The following GMFB variants were observed in gnomAD, a reference collection of about 807,000 sequenced individuals.
The protein encoded by GMFB is GMF-beta.
In GMFB, 13 loss-of-function variants were observed where a neutral mutation model predicts 25.6. The observed-to-expected ratio is 0.51, with a 90% CI of 0.33 to 0.81. The LOEUF (loss-of-function observed/expected upper bound fraction) is 0.81, where lower values mean the gene tolerates loss of function less well. Ranked by LOEUF, GMFB falls within the 30% of genes least tolerant of loss-of-function variation. The probability of loss-of-function intolerance (pLI) is 0.02; values close to 1 mark genes in which losing one functional copy is unlikely to be tolerated. For synonymous variants in GMFB, 57 were observed against 56.9 expected (o/e 1.00, Z 0.00); for missense variants, 146 against 175.4 (o/e 0.83, Z 0.95).
intron 1 of GMFB, among the ~76,000 whole-genome samples, chr14:54,485,749 ATAC>A (rs1299349942): frequency 1.3e-5 from 2 of 152,208 alleles, no homozygotes; most frequent in Non-Finnish European, 2.9e-5. Context: ...ACTTCAAAAT[ATAC>A]TACAAAACAA....
intron 1 of GMFB, among the ~76,000 whole-genome samples, chr14:54,487,608 G>A (rs1167730461): frequency 6.6e-6 from 1 of 152,216 alleles, no homozygotes; most frequent in Non-Finnish European, 1.5e-5. Flanking sequence ...AGCTACTTGG[G>A]AGGCTGAGGC....
intron 2 of GMFB, 191 bp downstream of exon 2, chr14:54,483,480 G>A: frequency 1.8e-6 from 1 of 562,456 alleles, no homozygotes; most frequent in Non-Finnish European, 3.2e-6. Context: ...GGGGAGGTGG[G>A]ACAATCCACC....
intron 1 of GMFB, among the ~76,000 whole-genome samples, chr14:54,486,290 C>G (rs1464263046): frequency 6.6e-6 from 1 of 151,968 alleles, no homozygotes; most frequent in East Asian, 1.9e-4. Flanking sequence ...GACCCCAACT[C>G]TCAGCATATA....
At chr14:54,488,038 G>A (rs528762421) in intron 1 of GMFB, among the ~76,000 whole-genome samples, 2 of 152,272 alleles carry the variant, frequency 1.3e-5, no homozygotes, top group South Asian at 2.1e-4. Flanking sequence ...CAGCTAAAAG[G>A]TCAGAGAAGA....
rs1251672970 is a variant in GMFB, at chr14:54,477,926, G to A, written c.*162C>T. On this transcript the variant is annotated 3_prime_UTR_variant, in exon 7 of 7. Coordinates refer to ENST00000358056, the MANE Select transcript of GMFB (RefSeq NM_004124.3). ...TACAAAGTTTCATTACTATGAAGAT[G>A]ATTTCCTCTTTGTTCAAATTTTGCA... 3.8e-5 allele frequency: 18 copies of A among 471,590 alleles called. No individual in the cohort carries two copies. The South Asian group carries it at 6.9e-4, about 18-fold the overall frequency. 29.2% of individuals were successfully genotyped at this position (471,590 alleles called of 1,614,324 possible). A position where few individuals can be genotyped will look rare whatever the true frequency, so the allele number is the denominator to read the frequency against.
Position 54,478,030 on chromosome 14 carries a change from T to A in GMFB, c.*58A>T. 1 of 721,362 alleles carries A rather than the reference T, an allele frequency of 1.4e-6. No homozygotes were observed. Among genetic ancestry groups the A allele is most frequent in the Non-Finnish European group, 2.3e-6 (1 of 438,828 alleles). 44.7% of individuals were successfully genotyped at this position (721,362 alleles called of 1,614,324 possible). On this transcript the variant is annotated 3_prime_UTR_variant, in exon 7 of 7. Coordinates refer to ENST00000358056, the MANE Select transcript of GMFB (RefSeq NM_004124.3). ...TTTTAGGCATAAATAAGTATTTATG[T>A]CTGATTCCAGTATGGTCAGGTTAAT...
chr14:54,485,274 G>C (rs2031766482), intron 1 of GMFB, among the ~76,000 whole-genome samples: 1 of 151,238 alleles, frequency 6.6e-6, no homozygotes. Flanking sequence ...TTTAGAAAAA[G>C]CTAAAGACTC....
rs774725374 is a variant in GMFB at position 54,483,731 on chromosome 14, A to G, written c.40T>C (p.Leu14=). ...CGAAACTTTCTCAGCTTTTCCACTA[A>G]ATCTTCGGCAACATCACAAACAACC... The part of the protein sequence containing the change: ...SLVVCDVAED[L]VEKLRKFRFR... Residue 14 remains leucine, a synonymous_variant, in exon 2 of 7, where the codon TTA becomes CTA. Coordinates refer to ENST00000358056, the MANE Select transcript of GMFB (RefSeq NM_004124.3). The G allele has an allele frequency of 6.2e-7, 1 of 1,610,514 alleles. No individual in the cohort carries two copies. Among genetic ancestry groups the G allele is most frequent in the East Asian group, 2.2e-5 (1 of 44,838 alleles).
intron 1 of GMFB, among the ~76,000 whole-genome samples, chr14:54,484,738 A>C (rs578104692): frequency 6.6e-6 from 1 of 152,312 alleles, no homozygotes; most frequent in South Asian, 2.1e-4. Flanking sequence ...ACAAAAAAAA[A>C]CTATAGGTCA....
intron 1 of GMFB, among the ~76,000 whole-genome samples, chr14:54,488,434 A>C (rs2031818898): frequency 6.6e-6 from 1 of 152,246 alleles, no homozygotes; most frequent in Non-Finnish European, 1.5e-5. Context: ...GAGAGAAAGA[A>C]GCTAAGGTGA....
rs1429420925 is a variant in GMFB, at chr14:54,479,795, T to C, written c.348A>G (p.Glu116=). The change falls in exon 6 of 7, where the codon GAA becomes GAG. Residue 116 remains glutamate, a synonymous_variant. Coordinates refer to ENST00000358056, the MANE Select transcript of GMFB (RefSeq NM_004124.3). ...CAAATATAAATACCACCTTGGTTAGTTCAGCTGTCTGGACTAGCTTATTCT... is the reference window on the plus strand; with the variant it reads ...CAAATATAAATACCACCTTGGTTAGCTCAGCTGTCTGGACTAGCTTATTCT... The part of the protein sequence containing the change: ...GSKNKLVQTA[E]LTKVFEIRNT... 1.3e-6 allele frequency: 2 copies of C among 1,587,438 alleles called. No homozygotes were observed. Among genetic ancestry groups the C allele is most frequent in the Non-Finnish European group, 1.7e-6 (2 of 1,156,008 alleles).
chr14:54,487,348 G>T (rs2031800460), intron 1 of GMFB, among the ~76,000 whole-genome samples: 1 of 152,102 alleles, frequency 6.6e-6, no homozygotes, highest in African/African-American at 2.4e-5. Context: ...TGGCTAACAC[G>T]GTGAAACCCC....
At chr14:54,487,880 A>C (rs781598589) in intron 1 of GMFB, among the ~76,000 whole-genome samples, 2 of 152,214 alleles carry the variant, frequency 1.3e-5, no homozygotes, top group Non-Finnish European at 2.9e-5. Context: ...GACTCCTTCG[A>C]GCATTGTCCA....
In GMFB at chr14:54,477,965, T is replaced by G; in HGVS notation, c.*123A>C. The G allele has an allele frequency of 2.0e-6, 1 of 504,454 alleles. No individual in the cohort carries two copies. Among genetic ancestry groups the G allele is most frequent in the Non-Finnish European group, 3.6e-6 (1 of 278,476 alleles). 31.2% of individuals were successfully genotyped at this position (504,454 alleles called of 1,614,324 possible). A position where few individuals can be genotyped will look rare whatever the true frequency, so the allele number is the denominator to read the frequency against. On this transcript the variant is annotated 3_prime_UTR_variant, in exon 7 of 7. Coordinates refer to ENST00000358056, the MANE Select transcript of GMFB (RefSeq NM_004124.3). ...TCAAATTTTGCACAAATGAAGAATT[T>G]TTCTTTACTGCAGGAAACAAACTGT... is the stretch of plus-strand genomic sequence containing the variant.
chr14:54,480,025 G>A, intron 5 of GMFB, 166 bp from the exon 6 acceptor site: 1 of 518,212 alleles, frequency 1.9e-6, no homozygotes, highest in South Asian at 2.7e-5. Context: ...ACTGCCTACA[G>A]AAAGAGACAG....
At chr14:54,482,405 A>G (rs1273515777) in intron 2 of GMFB, among the ~76,000 whole-genome samples, 1 of 152,198 alleles carries the variant, frequency 6.6e-6, no homozygotes, top group Non-Finnish European at 1.5e-5. Flanking sequence ...GCTTTTACCC[A>G]TAATTCCCAG....
At position 54,478,050 on chromosome 14, in the gene GMFB, G is replaced by T; in HGVS notation, c.*38C>A. 1 of 869,704 alleles carries T rather than the reference G, an allele frequency of 1.1e-6. No individual in the cohort carries two copies. Among genetic ancestry groups the T allele is most frequent in the Non-Finnish European group, 1.8e-6 (1 of 555,148 alleles). The allele number at this position is 869,704 out of a possible 1,614,324, so 53.9% of individuals were successfully genotyped here. On this transcript the variant is annotated 3_prime_UTR_variant, in exon 7 of 7. Transcript: ENST00000358056. ...TTATGTCTGATTCCAGTATGGTCAGGTTAATACATAAATACTTTAGAAACA... is the reference window on the plus strand; with the variant it reads ...TTATGTCTGATTCCAGTATGGTCAGTTTAATACATAAATACTTTAGAAACA...
At chr14:54,486,212 T>A (rs1050898557) in intron 1 of GMFB, among the ~76,000 whole-genome samples, 1 of 152,126 alleles carries the variant, frequency 6.6e-6, no homozygotes, top group African/African-American at 2.4e-5. Flanking sequence ...ATTGCACCAC[T>A]GCACTCTAGC....
chr14:54,486,610 G>A (rs1223631659), intron 1 of GMFB, among the ~76,000 whole-genome samples: 2 of 152,088 alleles, frequency 1.3e-5, no homozygotes, highest in African/African-American at 2.4e-5. Context: ...CAACTCAATA[G>A]CAAAAAATTC....
Sources: allele counts gnomAD v4.1 joint callset (sites outside exome capture counted in the v4.1 genomes callset), GRCh38; gene constraint gnomAD v4.1.1; transcripts MANE v1.5; gene names NCBI Gene and HGNC (gene_info 2026-07-23, HGNC 2026-07-21).